The following ASAP2 variants were observed in gnomAD, a reference collection of about 807,000 sequenced individuals.
ASAP2 encodes the protein ArfGAP with SH3 domain, ankyrin repeat and PH domain 2, also known as arf-GAP with SH3 domain, ANK repeat and PH domain-containing protein 2.
ASAP2 carries 45 observed loss-of-function variants against 131.4 expected under a neutral mutation model. The observed-to-expected ratio is 0.34, with a 90% CI of 0.27 to 0.44. The LOEUF (loss-of-function observed/expected upper bound fraction) is 0.44, where lower values mean the gene tolerates loss of function less well. ASAP2 is among the 20% of genes least tolerant of loss of function. ASAP2 has a pLI of 1.00. For synonymous variants in ASAP2, 510 were observed against 503.0 expected, an observed-to-expected ratio of 1.01 and a Z score of -0.19; for missense variants, 1,011 against 1,297.0, an observed-to-expected ratio of 0.78 and a Z score of 3.39.
At chr2:9,231,656 C>T (rs984773589) in intron 1 of ASAP2, among the ~76,000 whole-genome samples, 8 of 152,226 alleles carry the variant, frequency 5.3e-5, no homozygotes, top group African/African-American at 1.9e-4. Flanking sequence ...TGCACAGCAG[C>T]GGGCCTGTCT....
chr2:9,351,871 A>G (rs1430933739), intron 12 of ASAP2, among the ~76,000 whole-genome samples: 3 of 152,158 alleles, frequency 2.0e-5, no homozygotes, highest in African/African-American at 4.8e-5. Context: ...AGGGTTGAGC[A>G]CTGTGATATG....
At chr2:9,376,079 AG>A (rs1462527607) in intron 17 of ASAP2, among the ~76,000 whole-genome samples, 1 of 152,244 alleles carries the variant, frequency 6.6e-6, no homozygotes, top group African/African-American at 2.4e-5. Context: ...GCTGCCTATC[AG>A]CAAGGATGCC....
chr2:9,218,890 C>A (rs1662233023), intron 1 of ASAP2, among the ~76,000 whole-genome samples: 1 of 152,106 alleles, frequency 6.6e-6, no homozygotes, highest in Non-Finnish European at 1.5e-5. Flanking sequence ...CTCTTTCATC[C>A]CCTTCTTTAA....
chr2:9,254,260 TGTGTGTGTATGC>T (rs1664972864), intron 1 of ASAP2, among the ~76,000 whole-genome samples: 1 of 115,818 alleles, frequency 8.6e-6, no homozygotes. Flanking sequence ...TATATACACG[TGTGTGTGTATGC>T]ATATATATAG....
chr2:9,301,397 G>A (rs1327502256), intron 3 of ASAP2, among the ~76,000 whole-genome samples: 1 of 152,144 alleles, frequency 6.6e-6, no homozygotes, highest in Non-Finnish European at 1.5e-5. Context: ...AAAACCAGAC[G>A]GCTCCAGAAA....
At chr2:9,279,267 C>T (rs756321905) in intron 1 of ASAP2, 50 bp from the exon 2 acceptor site, 13 of 1,562,590 alleles carry the variant, frequency 8.3e-6, no homozygotes, top group Admixed American at 6.7e-5. Flanking sequence ...TCGCTGCTAG[C>T]GTGGTCTCAG....
intron 21 of ASAP2, among the ~76,000 whole-genome samples, chr2:9,386,707 C>G (rs1389252584): frequency 6.6e-6 from 1 of 152,196 alleles, no homozygotes; most frequent in African/African-American, 2.4e-5. Context: ...AGAGGCAGGG[C>G]TGCCACAGTT....
chr2:9,371,184 G>A (rs759712217), intron 16 of ASAP2, among the ~76,000 whole-genome samples: 16 of 152,206 alleles, frequency 1.1e-4, no homozygotes, highest in Admixed American at 4.6e-4. Context: ...CCCCAACCCC[G>A]GGCTTTTTTC....
At chr2:9,314,209 C>T (rs1669498750) in intron 3 of ASAP2, among the ~76,000 whole-genome samples, 1 of 152,120 alleles carries the variant, frequency 6.6e-6, no homozygotes, top group Admixed American at 6.5e-5. Context: ...GTCTCGAACT[C>T]CTGACCTCAG....
chr2:9,222,582 C>T (rs1202179216), intron 1 of ASAP2, among the ~76,000 whole-genome samples: 1 of 152,208 alleles, frequency 6.6e-6, no homozygotes, highest in African/African-American at 2.4e-5. Context: ...TTTCTTCTCA[C>T]CTTGTAAATT....
In ASAP2 at chr2:9,350,837, G is replaced by A. The variant is rs761560481; in HGVS notation, c.1053G>A (p.Leu351=). 2.5e-6 allele frequency: 4 copies of A among 1,613,606 alleles called. No individual in the cohort carries two copies. The highest frequency in any genetic ancestry group is 4.5e-5 in the East Asian group (2 of 44,876). The change falls in exon 12 of 28, where the codon CTG becomes CTA. Residue 351 remains leucine, a synonymous_variant. Transcript: ENST00000281419. ...ACCGGCCTCCTGCAAAGCTCAACCT[G>A]CTAACCTGCCAGGTGAAGACCAACC... ...TANRPPAKLN[L]LTCQVKTNPE...
chr2:9,292,680 C>T (rs13416389), intron 2 of ASAP2, among the ~76,000 whole-genome samples: 14,060 of 152,216 alleles, frequency 0.092, 672 homozygotes, highest in African/African-American at 0.13. Context: ...TTCAATGTCT[C>T]CTTGCCATCT....
At chr2:9,269,276 A>G (rs1666172652) in intron 1 of ASAP2, among the ~76,000 whole-genome samples, 1 of 151,954 alleles carries the variant, frequency 6.6e-6, no homozygotes, top group African/African-American at 2.4e-5. Flanking sequence ...CGCGCATAAC[A>G]TTTATCTTAA....
chr2:9,354,522 A>C (rs1460491765), intron 12 of ASAP2, among the ~76,000 whole-genome samples: 1 of 151,986 alleles, frequency 6.6e-6, no homozygotes, highest in Admixed American at 6.6e-5. Context: ...CTGTCATCTC[A>C]GTACTTTGGG....
At chr2:9,341,406 A>G (rs1158499561) in intron 9 of ASAP2, among the ~76,000 whole-genome samples, 2 of 152,206 alleles carry the variant, frequency 1.3e-5, no homozygotes, top group Non-Finnish European at 2.9e-5. Flanking sequence ...ATTTGCCTGC[A>G]TGCTTCAATT....
Position 9,401,393 on chromosome 2 carries a change from G to T in ASAP2, c.2943G>T (p.Trp981Cys). ...IIVDGEEDQE[W>C]WIGHIDGDPG... Reference sequence around the variant, plus strand: ...TGGACGGGGAGGAGGACCAGGAGTGGTGGGTGAGTCAAGGGTGGGCCTGGG... The same window carrying T: ...TGGACGGGGAGGAGGACCAGGAGTGTTGGGTGAGTCAAGGGTGGGCCTGGG... Residue 981 changes from tryptophan (W) to cysteine (C), a missense_variant, in exon 27 of 28, where the codon TGG becomes TGT. Trp to Cys is a radical substitution (Grantham distance 215). Coordinates refer to ENST00000281419, the MANE Select transcript of ASAP2 (RefSeq NM_003887.3). 1 of 1,613,410 alleles carries T rather than the reference G, an allele frequency of 6.2e-7. No individual in the cohort carries two copies. Among genetic ancestry groups the T allele is most frequent in the Non-Finnish European group, 8.5e-7 (1 of 1,179,816 alleles).
intron 12 of ASAP2, 46 bp downstream of exon 12, chr2:9,350,941 G>T: frequency 1.4e-6 from 2 of 1,466,736 alleles, no homozygotes; most frequent in Non-Finnish European, 1.9e-6. Context: ...GTTGTCTTAT[G>T]CTCTCCTCTG....
chr2:9,374,928 C>A lies in ASAP2; in HGVS notation c.1730C>A (p.Pro577Gln). 2 of 1,607,182 alleles carry A rather than the reference C, an allele frequency of 1.2e-6. No individual in the cohort carries two copies. Among genetic ancestry groups the A allele is most frequent in the African/African-American group, 1.4e-5 (1 of 73,648 alleles). The change falls in exon 17 of 28, where the codon CCA (proline) becomes CAA (glutamine). Residue 577 changes from proline to glutamine, a missense_variant. By Grantham distance (76) the Pro-to-Gln change is moderately conservative. Transcript: ENST00000281419. Reference sequence around the variant, plus strand: ...GGTGTGGATCTTACGGAAAAAATCCCACTGGCCAACGGACATGTAAGAGTG... The same window carrying A: ...GGTGTGGATCTTACGGAAAAAATCCAACTGGCCAACGGACATGTAAGAGTG... Reference protein sequence around the residue: ...ADGVDLTEKIPLANGHEPDET... With the variant: ...ADGVDLTEKIQLANGHEPDET...
intron 1 of ASAP2, among the ~76,000 whole-genome samples, chr2:9,262,258 C>T (rs936820126): frequency 2.0e-5 from 3 of 152,052 alleles, no homozygotes; most frequent in African/African-American, 7.2e-5. Flanking sequence ...TTTTCTCATT[C>T]TAAACATTAT....
Sources: allele counts gnomAD v4.1 joint callset (sites outside exome capture counted in the v4.1 genomes callset), GRCh38; gene constraint gnomAD v4.1.1; transcripts MANE v1.5; gene names NCBI Gene and HGNC (gene_info 2026-07-23, HGNC 2026-07-21).